PUDP: variants seen among roughly 807,000 people sequenced by gnomAD.
PUDP encodes the protein pseudouridine 5'-phosphatase.
PUDP carries 8 observed loss-of-function variants against 9.4 expected under a neutral mutation model. The ratio of observed to expected loss-of-function variants is 0.85; its 90% confidence interval spans 0.50 to 1.53. The LOEUF (loss-of-function observed/expected upper bound fraction) is 1.53. PUDP is among the 40% of genes most tolerant of loss of function. The pLI is 0.00. For synonymous variants in PUDP, 99 were observed against 80.7 expected, an observed-to-expected ratio of 1.23 and a Z score of -1.22; for missense variants, 188 against 189.7, an observed-to-expected ratio of 0.99 and a Z score of 0.05.
At chrX:7,102,667 T>C (rs1931773238) in intron 2 of PUDP, among the ~76,000 whole-genome samples, 1 of 110,157 alleles carries the variant, frequency 9.1e-6, no homozygotes, top group Non-Finnish European at 1.9e-5. Context: ...TACATGATCA[T>C]ATATATAGAA....
At chrX:6,737,615 T>C (rs1465478455) in intron 3 of PUDP, among the ~76,000 whole-genome samples, 1 of 103,715 alleles carries the variant, frequency 9.6e-6, no homozygotes, top group Admixed American at 1.1e-4. Flanking sequence ...GGAGGGAGAG[T>C]AGTAGGAGGT....
intron 3 of PUDP, among the ~76,000 whole-genome samples, chrX:6,820,750 G>A (rs149894069): frequency 0.02 from 2,254 of 112,039 alleles, 56 homozygotes; most frequent in African/African-American, 0.07. Flanking sequence ...GGCTTTGCTG[G>A]GTACAGCCTC....
rs918213344 is a variant in PUDP at position 7,093,882 on chromosome X, G to A, written c.280+11738C>T. Among the ~76,000 whole-genome samples, 146 of 111,471 alleles carry A rather than the reference G, an allele frequency of 1.3e-3. 2 individuals carry two copies. The highest frequency in any genetic ancestry group is 7.9e-4 in the Non-Finnish European group (42 of 53,079). On this transcript the variant is annotated intron_variant, in intron 2 of 3. Transcript: ENST00000381077. ...GCACTTTGGGAGGCTGAGGCAGGAG[G>A]ATCACTTGAGCCCAGGAGTTTGAGA...
At chrX:6,989,068 C>G (rs1929141604) in intron 1 of PUDP, among the ~76,000 whole-genome samples, 1 of 111,706 alleles carries the variant, frequency 9.0e-6, no homozygotes, top group African/African-American at 3.3e-5. Context: ...TGAACCATCT[C>G]TCCCCCAAGA....
chrX:7,077,185 G>A (rs986373269), intron 3 of PUDP, 35 bp downstream of exon 3: 3 of 1,167,814 alleles, frequency 2.6e-6, no homozygotes, highest in Non-Finnish European at 3.4e-6. Context: ...GAACATGGTT[G>A]TGGAACACGG....
At chrX:7,120,442 C>T (rs1454427026) in intron 1 of PUDP, among the ~76,000 whole-genome samples, 3 of 111,064 alleles carry the variant, frequency 2.7e-5, no homozygotes, top group East Asian at 5.7e-4. Flanking sequence ...CAGAAAGGAA[C>T]ACAGCCCTGC....
At chrX:6,795,769 C>T (rs1026824853) in intron 3 of PUDP, among the ~76,000 whole-genome samples, 1 of 111,610 alleles carries the variant, frequency 9.0e-6, no homozygotes, top group East Asian at 2.8e-4. Flanking sequence ...GCAAGAGATA[C>T]AGGAAAAACT....
intron 1 of PUDP, among the ~76,000 whole-genome samples, chrX:6,707,321 A>T (rs977477135): frequency 1.8e-5 from 2 of 111,761 alleles, no homozygotes; most frequent in Non-Finnish European, 3.8e-5. Flanking sequence ...GGTTTTGTGG[A>T]AGACAATTTT....
chrX:7,070,750 G>A (rs1055942910), intron 3 of PUDP, among the ~76,000 whole-genome samples: 10 of 111,198 alleles, frequency 9.0e-5, no homozygotes, highest in Admixed American at 4.8e-4. Flanking sequence ...GCTGATTTTT[G>A]TATTTTTAGT....
chrX:7,000,900 CATATA>C (rs1282019935), intron 1 of PUDP, among the ~76,000 whole-genome samples: 4 of 107,229 alleles, frequency 3.7e-5, no homozygotes, highest in Non-Finnish European at 1.9e-5. Context: ...TATTATATTA[CATATA>C]ATATAATATT....
chrX:7,090,372 G>C (rs1217015832), intron 2 of PUDP, among the ~76,000 whole-genome samples: 1 of 110,870 alleles, frequency 9.0e-6, no homozygotes, highest in Non-Finnish European at 1.9e-5. Context: ...ATGAGCCATA[G>C]ACCCACCATT....
intron 3 of PUDP, among the ~76,000 whole-genome samples, chrX:7,075,595 A>G (rs754525476): frequency 1.8e-5 from 2 of 111,893 alleles, no homozygotes; most frequent in Non-Finnish European, 3.8e-5. Flanking sequence ...ATTGAGTTCA[A>G]TGAGCAATCG....
intron 3 of PUDP, among the ~76,000 whole-genome samples, chrX:6,878,070 A>C (rs1927292282): frequency 8.9e-6 from 1 of 112,424 alleles, no homozygotes; most frequent in African/African-American, 3.2e-5. Flanking sequence ...TTAGATTTCA[A>C]ACTTAAAGCT....
chrX:7,001,693 G>A (rs1284145858), intron 1 of PUDP, among the ~76,000 whole-genome samples: 1 of 111,228 alleles, frequency 9.0e-6, no homozygotes, highest in Non-Finnish European at 1.9e-5. Flanking sequence ...ATGTATAACG[G>A]AAAGAGATTT....
At chrX:6,715,712 T>C (rs1370519148) in intron 1 of PUDP, among the ~76,000 whole-genome samples, 1 of 112,260 alleles carries the variant, frequency 8.9e-6, no homozygotes, top group Non-Finnish European at 1.9e-5. Context: ...TTCAAAATGT[T>C]GGTATTATCA....
chrX:6,787,404 A>G (rs773753603), intron 3 of PUDP, among the ~76,000 whole-genome samples: 3 of 112,066 alleles, frequency 2.7e-5, no homozygotes, highest in African/African-American at 3.2e-5. Flanking sequence ...TTGCATGCCA[A>G]TCTCTATTTA....
intron 3 of PUDP, among the ~76,000 whole-genome samples, chrX:6,784,292 A>T (rs1440781460): frequency 3.6e-5 from 4 of 111,844 alleles, no homozygotes; most frequent in Non-Finnish European, 7.5e-5. Context: ...TTCATTTCTT[A>T]TATTTGCAAG....
intron 1 of PUDP, among the ~76,000 whole-genome samples, chrX:7,012,613 G>A (rs1385360210): frequency 4.5e-5 from 5 of 111,458 alleles, no homozygotes; most frequent in Admixed American, 9.5e-5. Context: ...TCTCACTGAG[G>A]GGACTTTAAA....
At chrX:6,965,817 T>C (rs2146790226) in intron 3 of PUDP, among the ~76,000 whole-genome samples, 1 of 112,077 alleles carries the variant, frequency 8.9e-6, no homozygotes, top group South Asian at 3.7e-4. Context: ...TATGCAGCTA[T>C]AAAAATCAAC....
Sources: allele counts gnomAD v4.1 joint callset (sites outside exome capture counted in the v4.1 genomes callset), GRCh38; gene constraint gnomAD v4.1.1; transcripts MANE v1.5; gene names NCBI Gene and HGNC (gene_info 2026-07-23, HGNC 2026-07-21).